Variants in TADA3 observed in about 807,000 individuals in gnomAD.
TADA3 encodes the protein transcriptional adaptor 3.
In TADA3, 25 loss-of-function variants were observed where a neutral mutation model predicts 43.2. That is an observed-to-expected ratio of 0.58 (90% CI 0.42 to 0.81). TADA3 has a LOEUF of 0.81. Ranked by LOEUF, TADA3 falls within the 30% of genes least tolerant of loss-of-function variation. The pLI is 0.00. For synonymous variants in TADA3, 235 were observed against 225.5 expected (o/e 1.04, Z -0.38); for missense variants, 441 against 567.8 (o/e 0.78, Z 2.27).
chr3:9,783,769 C>G, intron 8 of TADA3: 1 of 493,554 alleles, frequency 2.0e-6, no homozygotes, highest in Non-Finnish European at 3.3e-6. Flanking sequence ...CAGTGCGAGA[C>G]TCCCTCTCAA....
chr3:9,792,627 C>T, upstream of TADA3: 3 of 1,230,896 alleles, frequency 2.4e-6, no homozygotes, highest in East Asian at 9.5e-5. Context: ...CCCCGGGGCA[C>T]AGCCCGGGGC....
At chr3:9,791,171 A>G in intron 2 of TADA3, 89 bp downstream of exon 2, 1 of 1,355,818 alleles carries the variant, frequency 7.4e-7, no homozygotes, top group East Asian at 2.3e-5. Flanking sequence ...CCTGTACCCC[A>G]AGTCTCAGCA....
rs888756121 is a variant in TADA3 at position 9,787,637 on chromosome 3, G to A, written c.565-297C>T. 1.4e-5 allele frequency: 19 copies of A among 1,352,366 alleles called. No homozygotes were observed. The East Asian group carries it at 2.1e-4, about 15-fold the overall frequency. The allele number at this position is 1,352,366 out of a possible 1,614,324, so 83.8% of individuals were successfully genotyped here. ...TCTCAGGTCACAGCAATTGCCTCTC[G>A]AGAGAATTAGGAGCCTTCAGGTCAC... On this transcript the variant is annotated intron_variant, in intron 4 of 8. Transcript: ENST00000301964.
chr3:9,783,971 G>T, intron 8 of TADA3, 57 bp downstream of exon 8: 1 of 1,555,536 alleles, frequency 6.4e-7, no homozygotes, highest in Non-Finnish European at 8.7e-7. Context: ...AAGGTGACTA[G>T]CCGTGGCCAC....
chr3:9,788,819 C>T (rs188219353), intron 4 of TADA3, among the ~76,000 whole-genome samples: 6 of 151,480 alleles, frequency 4.0e-5, no homozygotes, highest in South Asian at 2.1e-4. Context: ...GGATTACAGG[C>T]GTGAGGTGAC....
In TADA3 at chr3:9,786,992, G is replaced by C. The variant is rs7621556; in HGVS notation, c.810+14C>G. ...AAAGTAAATATGGTTCCTCTTTTGG[G>C]TTAGGCTGCTCACCTCCACCAGGGC... On this transcript the variant is annotated intron_variant, in intron 6 of 8. Coordinates refer to ENST00000301964, the MANE Select transcript of TADA3 (RefSeq NM_006354.5). 353,714 of 1,609,042 alleles carry C rather than the reference G, an allele frequency of 0.22. 42,274 individuals are homozygous for C. Among genetic ancestry groups the C allele is most frequent in the East Asian group, 0.5 (22,362 of 44,852 alleles).
Position 9,781,457 on chromosome 3 carries a change from G to A in TADA3, c.1107-908C>T, listed in dbSNP as rs9832913. 2.5e-3 allele frequency: 1,116 copies of A among 447,936 alleles called. 8 individuals are homozygous for A. The highest frequency in any genetic ancestry group is 0.02 in the African/African-American group (1,000 of 49,998). The allele number at this position is 447,936 out of a possible 1,614,324, so 27.7% of individuals were successfully genotyped here. A position where few individuals can be genotyped will look rare whatever the true frequency, so the allele number is the denominator to read the frequency against. On this transcript the variant is annotated intron_variant, in intron 8 of 8. Transcript: ENST00000301964. ...TCCCAGGATCCCACAGTTAGTGAGG[G>A]GGAGATCTGGAGCAGGCTGGGGCCA...
chr3:9,789,391 C>G (rs967577616), intron 4 of TADA3, 118 bp downstream of exon 4: 13 of 905,510 alleles, frequency 1.4e-5, no homozygotes, highest in East Asian at 2.7e-5. Flanking sequence ...ATGGAGCAGA[C>G]AGCAGACTGG....
At chr3:9,783,973 C>T (rs373839022) in intron 8 of TADA3, 55 bp downstream of exon 8, 17 of 1,558,838 alleles carry the variant, frequency 1.1e-5, no homozygotes, top group Middle Eastern at 1.8e-4. Context: ...GGTGACTAGC[C>T]GTGGCCACAG....
At chr3:9,792,706 G>A, upstream of TADA3, 1 of 1,234,338 alleles carries the variant, frequency 8.1e-7, no homozygotes, top group Non-Finnish European at 1.0e-6. Context: ...GGAGCTGCGG[G>A]TAGGAGGGGC....
chr3:9,780,202 A>T lies in TADA3; in HGVS notation c.*155T>A. The T allele has an allele frequency of 1.4e-6, 1 of 715,120 alleles. No individual in the cohort carries two copies. The highest frequency in any genetic ancestry group is 2.3e-6 in the Non-Finnish European group (1 of 443,844). The allele number at this position is 715,120 out of a possible 1,614,324, so 44.3% of individuals were successfully genotyped here. A position where few individuals can be genotyped will look rare whatever the true frequency, so the allele number is the denominator to read the frequency against. On this transcript the variant is annotated 3_prime_UTR_variant, in exon 9 of 9. Transcript: ENST00000301964. ...TCCTGTGTCCTGGTTGTACAGAGCT[A>T]GGCCAAAAGACCTCAGGGGAAGGGC...
At position 9,789,879 on chromosome 3, in the gene TADA3, G is replaced by A; in HGVS notation, c.292C>T (p.His98Tyr). ...RDHELGAPPK[H>Y]GKPKKQKLEG... ...AGTTTCTGCTTCTTGGGCTTCCCAT[G>A]TTTGGGGGGAGCTCCAAGTTCATGG... The change falls in exon 3 of 9, where the codon CAT (histidine) becomes TAT (tyrosine). Residue 98 changes from histidine (H) to tyrosine (Y), a missense_variant. Transcript: ENST00000301964. 1 of 1,614,230 alleles carries A rather than the reference G, an allele frequency of 6.2e-7. No individual in the cohort carries two copies. Among genetic ancestry groups the A allele is most frequent in the South Asian group, 1.1e-5 (1 of 91,086 alleles).
intron 6 of TADA3, among the ~76,000 whole-genome samples, chr3:9,786,291 T>C (rs2078608870): frequency 6.6e-6 from 1 of 152,136 alleles, no homozygotes; most frequent in African/African-American, 2.4e-5. Context: ...AGAGTGACCT[T>C]GTGCAGACTG....
rs755334555 is a variant in TADA3, at chr3:9,780,527, G to A, written c.1129C>T (p.Arg377Trp). ...CGCACCCGCTGCCTCAGCTCCTGCC[G>A]GCTCACCTCCTCCTTTGCCAGCCTG... ...LLRLAKEEVS[R>W]QELRQRVRMA... The change falls in exon 9 of 9, where the codon CGG (arginine) becomes TGG (tryptophan). Residue 377 changes from arginine (R) to tryptophan (W), a missense_variant. Arg to Trp is a moderately radical substitution (Grantham distance 101). Coordinates refer to ENST00000301964, the MANE Select transcript of TADA3 (RefSeq NM_006354.5). The A allele has an allele frequency of 1.2e-6, 2 of 1,604,578 alleles. No individual in the cohort carries two copies. The highest frequency in any genetic ancestry group is 1.7e-6 in the Non-Finnish European group (2 of 1,179,788).
At chr3:9,787,743 A>G (rs1370062169) in intron 4 of TADA3, 1 of 1,281,402 alleles carries the variant, frequency 7.8e-7, no homozygotes, top group East Asian at 5.5e-5. Flanking sequence ...TTTTTAAGAA[A>G]TCAGATAAGT....
chr3:9,783,852 G>C, intron 8 of TADA3, 176 bp downstream of exon 8: 1 of 1,157,524 alleles, frequency 8.6e-7, no homozygotes, highest in Non-Finnish European at 1.2e-6. Context: ...TGTGGAATCA[G>C]AATTTGTTTG....
intron 8 of TADA3, 82 bp from the exon 9 acceptor site, chr3:9,780,631 A>G (rs1033064281): frequency 2.1e-6 from 3 of 1,425,470 alleles, no homozygotes; most frequent in African/African-American, 2.8e-5. Context: ...GAGCCTACCC[A>G]CCAGCCCAGG....
rs1479670042 is a variant in TADA3, at chr3:9,784,888, AAAAG to A, written c.920+424_920+427del. Among the ~76,000 whole-genome samples, 23 of 152,188 alleles carry A rather than the reference AAAAG, an allele frequency of 1.5e-4. No individual in the cohort carries two copies. In the South Asian group the frequency reaches 4.3e-3, roughly 29 times the overall value. ...TCAAAAAAAAAAAAAGAAAAAGAAA[AAAAG>A]AAATATATTTTAAGTAAAAATAGTA... On this transcript the variant is annotated intron_variant, in intron 7 of 8. Transcript: ENST00000301964.
rs944745043 is a variant in TADA3, at chr3:9,792,430, G to A, written c.-242C>T. 2.8e-6 allele frequency: 3 copies of A among 1,081,820 alleles called. No homozygotes were observed. Among genetic ancestry groups the A allele is most frequent in the South Asian group, 9.1e-5 (2 of 21,868 alleles). The allele number at this position is 1,081,820 out of a possible 1,614,324, so 67.0% of individuals were successfully genotyped here. On this transcript the variant is annotated 5_prime_UTR_variant, in exon 1 of 9. Transcript: ENST00000301964. Reference sequence around the variant, plus strand: ...TCCTACGGCCCCAGGGGCCGCGGGAGGGGGCGGGGAGTTCCGGTCGATGTG... The same window carrying A: ...TCCTACGGCCCCAGGGGCCGCGGGAAGGGGCGGGGAGTTCCGGTCGATGTG...
Sources: allele counts gnomAD v4.1 joint callset (sites outside exome capture counted in the v4.1 genomes callset), GRCh38; gene constraint gnomAD v4.1.1; transcripts MANE v1.5; gene names NCBI Gene and HGNC (gene_info 2026-07-23, HGNC 2026-07-21).